Variants in SLC20A2 observed in about 807,000 individuals in gnomAD.
The protein encoded by SLC20A2 is solute carrier family 20 member 2.
In SLC20A2, 30 loss-of-function variants were observed where a neutral mutation model predicts 61.0. That is an observed-to-expected ratio of 0.49 (90% CI 0.37 to 0.67). The LOEUF (loss-of-function observed/expected upper bound fraction) is 0.67. Ranked by LOEUF, SLC20A2 falls within the 30% of genes least tolerant of loss-of-function variation. The pLI, the probability that SLC20A2 is intolerant of heterozygous loss-of-function variation, is 0.00. For missense variants in SLC20A2, 626 were observed against 866.4 expected (o/e 0.72, Z 3.48); for synonymous variants, 351 against 353.3 (o/e 0.99, Z 0.07).
At chr8:42,533,728 C>T (rs538379397) in intron 1 of SLC20A2, among the ~76,000 whole-genome samples, 3 of 136,560 alleles carry the variant, frequency 2.2e-5, no homozygotes, top group Admixed American at 8.0e-5. Flanking sequence ...GGCGTGATCT[C>T]AGCTCCCTGC....
chr8:42,472,054 C>T lies in SLC20A2; in HGVS notation c.289+48G>A, dbSNP rs185993191. ...ATATGGGCAAAGTACTGCAGGGAAG[C>T]GGGTCAGTGGGCGGATGTCCCATCG... On this transcript the variant is annotated intron_variant, in intron 2 of 10. Coordinates refer to ENST00000520262, the MANE Select transcript of SLC20A2 (RefSeq NM_001257180.2). This position sits in a 1 kb window ranked among gnomAD's most constrained non-coding sequence, Gnocchi z 4.1. 7.6e-5 allele frequency: 118 copies of T among 1,550,168 alleles called. No homozygotes were observed. The African/African-American group carries it at 1.2e-3, about 16-fold the overall frequency.
At chr8:42,430,421 G>A (rs1803768309) in intron 8 of SLC20A2, among the ~76,000 whole-genome samples, 172 bp from the exon 9 acceptor site, 3 of 152,044 alleles carry the variant, frequency 2.0e-5, no homozygotes, top group Admixed American at 2.0e-4. Context: ...TGAGTGCAGT[G>A]GTGTGATCTC....
At chr8:42,525,065 C>T (rs1165718460) in intron 1 of SLC20A2, among the ~76,000 whole-genome samples, 2 of 152,116 alleles carry the variant, frequency 1.3e-5, no homozygotes, top group East Asian at 1.9e-4. Context: ...TAGCTGTCTA[C>T]AGTAGCTGAC....
upstream of SLC20A2, chr8:42,502,543 G>A (rs1028599090): frequency 6.6e-6 from 1 of 152,264 alleles, no homozygotes; most frequent in African/African-American, 2.4e-5. Context: ...ATCTTCATTG[G>A]TGTGAGTTGG....
chr8:42,513,235 G>A (rs1030735606), intron 1 of SLC20A2, among the ~76,000 whole-genome samples: 8 of 152,122 alleles, frequency 5.3e-5, no homozygotes, highest in Non-Finnish European at 8.8e-5. Flanking sequence ...AACATATAAC[G>A]TCTGGAGAAC....
At chr8:42,517,864 T>A (rs1362789919) in intron 1 of SLC20A2, among the ~76,000 whole-genome samples, 1 of 152,202 alleles carries the variant, frequency 6.6e-6, no homozygotes, top group Non-Finnish European at 1.5e-5. Context: ...ATAAGAATAC[T>A]TTAGGAAAAA....
chr8:42,429,119 A>G (rs1422088556), intron 9 of SLC20A2, among the ~76,000 whole-genome samples: 1 of 152,230 alleles, frequency 6.6e-6, no homozygotes, highest in East Asian at 1.9e-4. Flanking sequence ...CTGCTGTGCA[A>G]TAAGATAGTA....
chr8:42,491,196 T>TA (rs1188055422), intron 1 of SLC20A2, among the ~76,000 whole-genome samples: 4 of 152,096 alleles, frequency 2.6e-5, no homozygotes, highest in Admixed American at 6.5e-5. Flanking sequence ...GGTCAGGAGT[T>TA]AGAGACCAGC....
chr8:42,429,112 C>G (rs1803648267), intron 9 of SLC20A2, among the ~76,000 whole-genome samples: 1 of 152,210 alleles, frequency 6.6e-6, no homozygotes, highest in Non-Finnish European at 1.5e-5. Context: ...GACATTCCTG[C>G]TGTGCAATAA....
chr8:42,455,993 T>A (rs893887036), intron 5 of SLC20A2, among the ~76,000 whole-genome samples: 3 of 152,204 alleles, frequency 2.0e-5, no homozygotes, highest in African/African-American at 7.2e-5. Context: ...ACAACAACCC[T>A]ATGAAGTATT....
At chr8:42,466,925 C>G (rs1807216291) in intron 2 of SLC20A2, among the ~76,000 whole-genome samples, 1 of 152,324 alleles carries the variant, frequency 6.6e-6, no homozygotes, top group Middle Eastern at 3.4e-3. Context: ...CTGCTTCAGC[C>G]TCCCAAAGCC....
At chr8:42,532,643 T>C (rs542030186) in intron 1 of SLC20A2, among the ~76,000 whole-genome samples, 1 of 152,204 alleles carries the variant, frequency 6.6e-6, no homozygotes, top group South Asian at 2.1e-4. Context: ...CATCTAGTAA[T>C]ACCTATTAAT....
chr8:42,438,074 A>C (rs1227496265), intron 7 of SLC20A2, among the ~76,000 whole-genome samples: 4,902 of 146,092 alleles, frequency 0.034, 351 homozygotes, highest in African/African-American at 0.11. Flanking sequence ...AAAAAAAAAA[A>C]AAAAAAAAAA....
intron 1 of SLC20A2, among the ~76,000 whole-genome samples, chr8:42,509,061 C>G (rs1026644987): frequency 4.6e-5 from 7 of 152,136 alleles, no homozygotes; most frequent in Non-Finnish European, 8.8e-5. Context: ...ATTATGAAGA[C>G]TAAATGAGTT....
At chr8:42,443,769 A>G (rs1430314901) in intron 6 of SLC20A2, among the ~76,000 whole-genome samples, 1 of 152,138 alleles carries the variant, frequency 6.6e-6, no homozygotes, top group Admixed American at 6.6e-5. Flanking sequence ...CACCCATCCC[A>G]GGCGATCAGT....
intron 1 of SLC20A2, among the ~76,000 whole-genome samples, chr8:42,515,566 C>A (rs912508521): frequency 1.4e-4 from 21 of 152,092 alleles, no homozygotes; most frequent in African/African-American, 4.6e-4. Flanking sequence ...AGTGAGAGAA[C>A]AGACCTAGGA....
intron 1 of SLC20A2, among the ~76,000 whole-genome samples, chr8:42,516,112 C>T (rs568536658): frequency 6.6e-6 from 1 of 152,306 alleles, no homozygotes; most frequent in Admixed American, 6.5e-5. Context: ...GATTCTTCTC[C>T]TCTCTAAAGT....
chr8:42,468,048 G>A (rs1447256026), intron 2 of SLC20A2, among the ~76,000 whole-genome samples: 2 of 151,718 alleles, frequency 1.3e-5, no homozygotes, highest in African/African-American at 2.4e-5. Context: ...GACTACAGGT[G>A]CCCGCTACCA....
chr8:42,469,877 G>A (rs950127868), intron 2 of SLC20A2, among the ~76,000 whole-genome samples: 18 of 148,838 alleles, frequency 1.2e-4, no homozygotes, highest in Non-Finnish European at 1.9e-4. Flanking sequence ...GCAGTGAGCC[G>A]AGATCACACC....
Sources: gnomAD v4.1 joint callset for allele counts (sites outside exome capture counted in the v4.1 genomes callset) on GRCh38, gnomAD v4.1.1 for gene constraint, Gnocchi (gnomAD v3.1) non-coding constraint, MANE v1.5 for transcripts, NCBI Gene and HGNC (gene_info 2026-07-23, HGNC 2026-07-21) for gene names.